The following RANBP2 variants were observed in gnomAD, a reference collection of about 807,000 sequenced individuals.
The protein encoded by RANBP2 is E3 SUMO-protein ligase RanBP2.
Under a neutral mutation model 303.6 loss-of-function variants are expected in RANBP2, and 57 were observed. That is an observed-to-expected ratio of 0.19 (90% CI 0.15 to 0.23). The LOEUF (loss-of-function observed/expected upper bound fraction) is 0.23. RANBP2 is among the 10% of genes least tolerant of loss of function. The pLI, the probability that RANBP2 is intolerant of heterozygous loss-of-function variation, is 1.00. For missense variants in RANBP2, 3,138 were observed against 3,780.8 expected (o/e 0.83, Z 4.46); for synonymous variants, 1,167 against 1,301.5 (o/e 0.90, Z 2.23).
At chr2:109,213,056 T>A in the RANBP2 span, among the ~76,000 whole-genome samples, 1 of 152,204 alleles carries the variant, frequency 6.6e-6, no homozygotes, top group Non-Finnish European at 1.5e-5. Flanking sequence ...GAGGATGCAG[T>A]CCTGGGAAGG....
the RANBP2 span, among the ~76,000 whole-genome samples, chr2:109,008,826 G>C: frequency 1.3e-5 from 2 of 151,412 alleles, no homozygotes; most frequent in South Asian, 4.2e-4. Context: ...ATGAACCCAG[G>C]AGACGGAGCT....
the RANBP2 span, among the ~76,000 whole-genome samples, chr2:109,348,124 G>T: frequency 5.9e-3 from 900 of 152,264 alleles, 15 homozygotes; most frequent in African/African-American, 0.021. Flanking sequence ...CATGAATGGG[G>T]TGATGGTTTT....
At chr2:109,403,430 G>GC in the RANBP2 span, among the ~76,000 whole-genome samples, 1 of 152,226 alleles carries the variant, frequency 6.6e-6, no homozygotes. Flanking sequence ...GGAAGCCGAG[G>GC]CCCCAGGGGT....
the RANBP2 span, among the ~76,000 whole-genome samples, chr2:109,082,090 T>C: frequency 3.9e-5 from 6 of 152,336 alleles, no homozygotes; most frequent in East Asian, 9.6e-4. Context: ...GCTCTACCCA[T>C]GCTTCAGCTG....
chr2:108,955,909 G>C, the RANBP2 span, among the ~76,000 whole-genome samples: 1 of 151,306 alleles, frequency 6.6e-6, no homozygotes, highest in Non-Finnish European at 1.5e-5. Context: ...GGCGCCTGTA[G>C]TCCCAGCTAC....
chr2:109,625,597 T>C, the RANBP2 span, among the ~76,000 whole-genome samples: 2 of 149,428 alleles, frequency 1.3e-5, no homozygotes, highest in Non-Finnish European at 3.0e-5. Flanking sequence ...ACTCGGGAGG[T>C]GGAGGTTGCA....
chr2:109,306,231 C>A, the RANBP2 span, among the ~76,000 whole-genome samples: 1 of 152,192 alleles, frequency 6.6e-6, no homozygotes, highest in South Asian at 2.1e-4. Context: ...CAGATGCAGA[C>A]CCCAGGAAGT....
In RANBP2 at chr2:108,764,884, T is replaced by A. The variant is rs778540252; in HGVS notation, c.4345T>A (p.Ser1449Thr). The A allele has an allele frequency of 3.0e-5, 49 of 1,613,886 alleles. No homozygotes were observed. The highest frequency in any genetic ancestry group is 4.1e-5 in the Non-Finnish European group (48 of 1,179,926). The stretch of plus-strand genomic sequence containing the variant: ...TACAAAATCTGCTAACAAAAGTGGA[T>A]CTTCATTTGTTCATCAAGCTTCATT... ...QNTKSANKSGSSFVHQASFKF... is the reference protein window; with the variant it reads ...QNTKSANKSGTSFVHQASFKF... The change falls in exon 20 of 29, where the codon TCT becomes ACT. Residue 1449 changes from serine (S) to threonine (T), a missense_variant. Coordinates refer to ENST00000283195, the MANE Select transcript of RANBP2 (RefSeq NM_006267.5).
At chr2:108,759,454 A>G (rs1394249321) in intron 18 of RANBP2, among the ~76,000 whole-genome samples, 2 of 152,178 alleles carry the variant, frequency 1.3e-5, no homozygotes, top group Non-Finnish European at 2.9e-5. Flanking sequence ...CCTTTTACGT[A>G]CGACAGACTT....
At chr2:109,667,952 G>T in the RANBP2 span, 1 of 184,906 alleles carries the variant, frequency 5.4e-6, no homozygotes, top group South Asian at 1.6e-4. Flanking sequence ...GGGTCAGAGG[G>T]AAAGAAGAAG....
At chr2:109,154,933 C>T in the RANBP2 span, among the ~76,000 whole-genome samples, 1 of 152,186 alleles carries the variant, frequency 6.6e-6, no homozygotes, top group Admixed American at 6.5e-5. Context: ...CTTTCCAAAT[C>T]ACGACTTGTC....
the RANBP2 span, among the ~76,000 whole-genome samples, chr2:109,703,611 T>G: frequency 6.6e-6 from 1 of 152,164 alleles, no homozygotes; most frequent in Non-Finnish European, 1.5e-5. Flanking sequence ...GTATTTTTAG[T>G]AGAGATGAGG....
chr2:109,352,903 A>G, the RANBP2 span, among the ~76,000 whole-genome samples: 1 of 152,382 alleles, frequency 6.6e-6, no homozygotes, highest in Admixed American at 6.5e-5. Context: ...TTTGATTTGC[A>G]GGCAAAGCTT....
At chr2:109,597,079 A>G in the RANBP2 span, among the ~76,000 whole-genome samples, 5 of 152,134 alleles carry the variant, frequency 3.3e-5, no homozygotes, top group South Asian at 1.0e-3. Context: ...TCCTAAGTAG[A>G]TGGGACCACT....
chr2:108,926,312 C>T, the RANBP2 span, among the ~76,000 whole-genome samples: 1 of 152,210 alleles, frequency 6.6e-6, no homozygotes, highest in Non-Finnish European at 1.5e-5. Context: ...CCCCCAACCC[C>T]TGTTCTACAT....
At chr2:108,812,711 A>G in the RANBP2 span, 1 of 1,607,030 alleles carries the variant, frequency 6.2e-7, no homozygotes, top group Non-Finnish European at 8.5e-7. Flanking sequence ...ATTTACAGGT[A>G]AGTTGCCTGT....
At chr2:109,266,973 A>C in the RANBP2 span, among the ~76,000 whole-genome samples, 2 of 152,200 alleles carry the variant, frequency 1.3e-5, no homozygotes, top group Non-Finnish European at 2.9e-5. Context: ...GCAGTTCTTA[A>C]TTTGCAAATC....
chr2:108,812,900 A>G, the RANBP2 span: 2 of 1,613,762 alleles, frequency 1.2e-6, no homozygotes, highest in Admixed American at 1.7e-5. Flanking sequence ...TAAAACAAGA[A>G]AAAGCACCAG....
chr2:109,117,630 C>T, the RANBP2 span, among the ~76,000 whole-genome samples: 486 of 152,336 alleles, frequency 3.2e-3, 2 homozygotes, highest in African/African-American at 9.9e-3. Context: ...GCGCACGGTG[C>T]GCTGCACGCA....
Sources: gnomAD v4.1 joint callset for allele counts (sites outside exome capture counted in the v4.1 genomes callset) on GRCh38, gnomAD v4.1.1 for gene constraint, MANE v1.5 for transcripts, NCBI Gene and HGNC (gene_info 2026-07-23, HGNC 2026-07-21) for gene names.